The following PCDH15 variants were observed in gnomAD, a reference collection of about 807,000 sequenced individuals.
PCDH15 encodes protocadherin-15.
A neutral mutation model predicts 178.5 loss-of-function variants in PCDH15; 129 were observed. The ratio of observed to expected loss-of-function variants is 0.72; its 90% CI spans 0.63 to 0.84. PCDH15 has a LOEUF of 0.84. Among genes scored for constraint, PCDH15 ranks in the 40% least tolerant of loss-of-function variants. The pLI, the probability that PCDH15 is intolerant of heterozygous loss-of-function variation, is 0.00. For missense variants in PCDH15, 2,230 were observed against 2,099.9 expected, an observed-to-expected ratio of 1.06 and a Z score of -1.21; for synonymous variants, 800 against 732.0, an observed-to-expected ratio of 1.09 and a Z score of -1.50.
intron 2 of PCDH15, among the ~76,000 whole-genome samples, chr10:55,488,014 C>A (rs370763671): frequency 5.3e-5 from 8 of 151,594 alleles, no homozygotes; most frequent in African/African-American, 1.9e-4. Flanking sequence ...TTCAGTCCTG[C>A]AGGAATGATC....
At chr10:54,454,088 A>C (rs546914403) in intron 3 of PCDH15, among the ~76,000 whole-genome samples, 195 of 150,674 alleles carry the variant, frequency 1.3e-3, no homozygotes, top group African/African-American at 4.6e-3. Flanking sequence ...ATAAACATAT[A>C]ACAGATTTAT....
At chr10:54,002,919 A>C (rs1360808795) in intron 20 of PCDH15, among the ~76,000 whole-genome samples, 1 of 152,092 alleles carries the variant, frequency 6.6e-6, no homozygotes, top group Non-Finnish European at 1.5e-5. Flanking sequence ...GTCCCCTTCC[A>C]CCATGTGGAA....
chr10:55,450,273 G>T (rs970534276), intron 2 of PCDH15, among the ~76,000 whole-genome samples: 1 of 152,124 alleles, frequency 6.6e-6, no homozygotes, highest in Non-Finnish European at 1.5e-5. Context: ...GTTTATACAT[G>T]AGAAAAGTTT....
chr10:54,754,751 C>T (rs1488868030), intron 1 of PCDH15, among the ~76,000 whole-genome samples: 3 of 151,840 alleles, frequency 2.0e-5, no homozygotes, highest in Non-Finnish European at 4.4e-5. Context: ...AAAAACAAAA[C>T]GTTTATGGAC....
chr10:55,460,057 A>T (rs575671066), intron 2 of PCDH15, among the ~76,000 whole-genome samples: 1 of 152,106 alleles, frequency 6.6e-6, no homozygotes, highest in Non-Finnish European at 1.5e-5. Flanking sequence ...AACAAAAGTG[A>T]TTGTGGAATG....
intron 2 of PCDH15, among the ~76,000 whole-genome samples, chr10:55,455,929 G>A (rs893229857): frequency 2.0e-5 from 3 of 152,046 alleles, no homozygotes; most frequent in East Asian, 1.9e-4. Flanking sequence ...TTCTTACACC[G>A]AGTTCCTACG....
intron 3 of PCDH15, among the ~76,000 whole-genome samples, chr10:54,422,831 T>C (rs1955720086): frequency 6.6e-6 from 1 of 152,204 alleles, no homozygotes; most frequent in African/African-American, 2.4e-5. Context: ...ACTCCAGTTC[T>C]GAAAATTCTG....
intron 19 of PCDH15, 124 bp from the exon 20 acceptor site, chr10:54,020,540 T>G: frequency 2.1e-6 from 2 of 933,796 alleles, no homozygotes; most frequent in African/African-American, 1.7e-5. Flanking sequence ...AAGACACGTT[T>G]TTTGTTTTTG....
At chr10:55,589,910 C>A (rs1478567968) in intron 2 of PCDH15, among the ~76,000 whole-genome samples, 1 of 148,428 alleles carries the variant, frequency 6.7e-6, no homozygotes, top group Non-Finnish European at 1.5e-5. Context: ...TGTGGCGATT[C>A]CTCAGGGATC....
At chr10:54,357,807 A>T (rs1488020935) in intron 5 of PCDH15, among the ~76,000 whole-genome samples, 2 of 152,138 alleles carry the variant, frequency 1.3e-5, no homozygotes, top group Non-Finnish European at 2.9e-5. Flanking sequence ...TACTGGTACC[A>T]AAACAGAGAT....
Position 54,153,234 on chromosome 10 carries a change from A to T in PCDH15, c.1650T>A (p.Val550=). ...TGATGATGAAGTCTCCCTGAGCCCC[A>T]ACAAGGATTTCATATGTGATCTCCC... is the stretch of plus-strand genomic sequence containing the variant. The part of the protein sequence containing the change: ...SNGEITYEIL[V]GAQGDFIINK... Residue 550 remains valine, a synonymous_variant, in exon 14 of 38, where the codon GTT becomes GTA. Coordinates refer to ENST00000644397, the MANE Select transcript of PCDH15 (RefSeq NM_001384140.1). 1 of 1,613,876 alleles carries T rather than the reference A, an allele frequency of 6.2e-7. No individual in the cohort carries two copies. The highest frequency in any genetic ancestry group is 8.5e-7 in the Non-Finnish European group (1 of 1,179,870).
At chr10:54,982,233 A>G (rs1398747637) in intron 2 of PCDH15, among the ~76,000 whole-genome samples, 2 of 152,184 alleles carry the variant, frequency 1.3e-5, no homozygotes, top group Admixed American at 6.5e-5. Context: ...TCTTGTCTTC[A>G]ATATTATATT....
chr10:53,845,319 G>C (rs983687454), intron 28 of PCDH15, among the ~76,000 whole-genome samples: 1 of 151,780 alleles, frequency 6.6e-6, no homozygotes, highest in Non-Finnish European at 1.5e-5. Context: ...CAGTATGGAG[G>C]TTCCTCAAAA....
intron 10 of PCDH15, among the ~76,000 whole-genome samples, chr10:54,202,812 C>CAA (rs36086266): frequency 0.069 from 7,339 of 105,870 alleles, 343 homozygotes; most frequent in Admixed American, 0.1. Flanking sequence ...AACCCCACCT[C>CAA]AAAAAAAAAA....
At chr10:54,841,786 T>G (rs1219719774) in intron 3 of PCDH15, among the ~76,000 whole-genome samples, 2 of 151,862 alleles carry the variant, frequency 1.3e-5, no homozygotes, top group African/African-American at 4.8e-5. Flanking sequence ...ACATTTCAAT[T>G]AAATATATAA....
intron 18 of PCDH15, among the ~76,000 whole-genome samples, chr10:54,047,153 A>C (rs1035308091): frequency 2.3e-4 from 35 of 152,126 alleles, no homozygotes; most frequent in African/African-American, 6.8e-4. Context: ...TATACATTAA[A>C]TAATTTAAAT....
intron 2 of PCDH15, among the ~76,000 whole-genome samples, chr10:54,925,951 C>A (rs572163970): frequency 6.6e-6 from 1 of 152,008 alleles, no homozygotes; most frequent in East Asian, 1.9e-4. Flanking sequence ...GTTTGTTGTG[C>A]CTATTTGGTC....
chr10:54,733,598 A>C (rs1217987487), intron 1 of PCDH15, among the ~76,000 whole-genome samples: 4 of 151,580 alleles, frequency 2.6e-5, no homozygotes, highest in Non-Finnish European at 4.4e-5. Flanking sequence ...ATACCAAAAA[A>C]CTGATTATAA....
chr10:55,561,931 G>A (rs189130928), intron 2 of PCDH15, among the ~76,000 whole-genome samples: 29 of 151,920 alleles, frequency 1.9e-4, no homozygotes, highest in South Asian at 4.1e-4. Flanking sequence ...ATTAAATGTC[G>A]TTTTATGATT....
Sources: gnomAD v4.1 joint callset for allele counts (sites outside exome capture counted in the v4.1 genomes callset) on GRCh38, gnomAD v4.1.1 for gene constraint, MANE v1.5 for transcripts, NCBI Gene and HGNC (gene_info 2026-07-23, HGNC 2026-07-21) for gene names.